Variants in LARP4 observed in about 807,000 individuals in gnomAD.
LARP4 encodes la-related protein 4.
Under a neutral mutation model 92.9 loss-of-function variants are expected in LARP4, and 29 were observed. The ratio of observed to expected loss-of-function variants is 0.31; its 90% confidence interval spans 0.23 to 0.43. The LOEUF (loss-of-function observed/expected upper bound fraction) is 0.43. Ranked by LOEUF, LARP4 falls within the 20% of genes least tolerant of loss-of-function variation. The pLI is 1.00. For missense variants in LARP4, 732 were observed against 860.0 expected, an observed-to-expected ratio of 0.85 and a Z score of 1.86; for synonymous variants, 279 against 284.1, an observed-to-expected ratio of 0.98 and a Z score of 0.18.
chr12:50,459,678 T>G (rs1954969951), intron 10 of LARP4, among the ~76,000 whole-genome samples: 1 of 151,644 alleles, frequency 6.6e-6, no homozygotes. Context: ...ACAAAAATTA[T>G]CTAGGTGTGG....
intron 3 of LARP4, among the ~76,000 whole-genome samples, chr12:50,429,626 G>GT (rs906752655): frequency 2.0e-5 from 3 of 151,978 alleles, no homozygotes; most frequent in African/African-American, 7.2e-5. Flanking sequence ...AGCAATTGGT[G>GT]TTTTTTTGTT....
intron 10 of LARP4, among the ~76,000 whole-genome samples, chr12:50,459,495 C>T (rs558336612): frequency 3.3e-5 from 5 of 152,120 alleles, no homozygotes; most frequent in Non-Finnish European, 5.9e-5. Context: ...CTTCCTTCGC[C>T]CCCGTTTTTA....
chr12:50,440,628 G>C (rs776349722), intron 7 of LARP4, 79 bp downstream of exon 7: 70 of 936,006 alleles, frequency 7.5e-5, no homozygotes, highest in Non-Finnish European at 1.1e-4. Flanking sequence ...GAGAAAATGT[G>C]TGTTTACACT....
chr12:50,449,973 T>C (rs1165095984), intron 8 of LARP4, among the ~76,000 whole-genome samples: 2 of 140,230 alleles, frequency 1.4e-5, no homozygotes, highest in Non-Finnish European at 3.1e-5. Context: ...TTTGCTCTGT[T>C]GCCAGACTGG....
chr12:50,464,015 C>CT lies in LARP4; in HGVS notation c.1383+1386dup, dbSNP rs757806413. The stretch of plus-strand genomic sequence containing the variant: ...AGCCAGTCTAGGAAGTTCGTCATCT[C>CT]TATCTTCTTTTGAGCCTTCCAGACT... On this transcript the variant is annotated intron_variant, in intron 12 of 15. Coordinates refer to ENST00000398473, the MANE Select transcript of LARP4 (RefSeq NM_052879.5). Among the ~76,000 whole-genome samples the CT allele has an allele frequency of 1.1e-4, 16 of 152,300 alleles. No individual in the cohort carries two copies. In the South Asian group the frequency reaches 1.2e-3, roughly 12 times the overall value.
Position 50,446,340 on chromosome 12 carries a change from TCC to T in LARP4, c.804+4699_804+4700del, listed in dbSNP as rs1348966762. ...TTTCTTGACTAGTGGTCTCTCTCTC[TCC>T]CTCTCTCTCTCTCTCTCTCTCTCTC... On this transcript the variant is annotated intron_variant, in intron 8 of 15. Transcript: ENST00000398473. 3.0e-3 allele frequency among the ~76,000 whole-genome samples: 41 copies of T among 13,734 alleles called. 11 individuals are homozygous for T. The East Asian group carries it at 0.037, about 13-fold the overall frequency. 9.0% of individuals were successfully genotyped at this position (13,734 alleles called of 152,430 possible).
Position 50,454,443 on chromosome 12 carries a change from G to A in LARP4, c.1121+26G>A, listed in dbSNP as rs190921692. 2.3e-4 allele frequency: 360 copies of A among 1,532,454 alleles called. 4 individuals are homozygous for A. The East Asian group carries it at 8.0e-3, about 34-fold the overall frequency. 94.9% of individuals were successfully genotyped at this position (1,532,454 alleles called of 1,614,324 possible). ...GTAAGATAAAAACCATAGCTGTAAT[G>A]TATTTTAAACAATTCCTAATGGATC... On this transcript the variant is annotated intron_variant, in intron 10 of 15. Coordinates refer to ENST00000398473, the MANE Select transcript of LARP4 (RefSeq NM_052879.5).
chr12:50,471,897 C>T (rs139918918), intron 13 of LARP4, among the ~76,000 whole-genome samples: 23 of 152,310 alleles, frequency 1.5e-4, no homozygotes, highest in African/African-American at 5.3e-4. Context: ...TTGTCAGTTA[C>T]ACGTAGTAGA....
At chr12:50,462,311 C>G (rs976271714) in intron 11 of LARP4, among the ~76,000 whole-genome samples, 13 of 152,068 alleles carry the variant, frequency 8.5e-5, no homozygotes, top group Non-Finnish European at 1.8e-4. Context: ...GAAACCCTGT[C>G]TGTACTACAA....
At position 50,476,085 on chromosome 12, in the gene LARP4, T is replaced by C. The variant is rs1957512517; in HGVS notation, c.*221T>C. The C allele has an allele frequency of 1.2e-5, 3 of 246,262 alleles. No individual in the cohort carries two copies. Among genetic ancestry groups the C allele is most frequent in the Non-Finnish European group, 2.4e-5 (3 of 126,670 alleles). The allele number at this position is 246,262 out of a possible 1,614,324, so 15.3% of individuals were successfully genotyped here. A position where few individuals can be genotyped will look rare whatever the true frequency, so the allele number is the denominator to read the frequency against. Reference sequence around the variant, plus strand: ...ATTCCAATCAATATAAATATATATATATATATACACACACATATATAAAAA... The same window carrying C: ...ATTCCAATCAATATAAATATATATACATATATACACACACATATATAAAAA... On this transcript the variant is annotated 3_prime_UTR_variant, in exon 16 of 16. Transcript: ENST00000398473.
rs1436438270 is a variant in LARP4 at position 50,474,036 on chromosome 12, T to G, written c.1705T>G (p.Ser569Ala). 3.7e-6 allele frequency: 6 copies of G among 1,612,212 alleles called. No homozygotes were observed. Among genetic ancestry groups the G allele is most frequent in the Non-Finnish European group, 5.1e-6 (6 of 1,179,936 alleles). Residue 569 changes from serine to alanine, a missense_variant, in exon 15 of 16, where the codon TCT (serine) becomes GCT (alanine). Coordinates refer to ENST00000398473, the MANE Select transcript of LARP4 (RefSeq NM_052879.5). ...AGAAAAGGATCTAATAGAAGATTCC[T>G]CTGTTCAGAAGGATGGTCTCAATCA... Reference protein sequence around the residue: ...QQEKDLIEDSSVQKDGLNQTT... With the variant: ...QQEKDLIEDSAVQKDGLNQTT...
At chr12:50,404,657 A>G (rs1264235065) in intron 1 of LARP4, among the ~76,000 whole-genome samples, 2 of 146,798 alleles carry the variant, frequency 1.4e-5, no homozygotes, top group Admixed American at 6.8e-5. Context: ...GCTCACTGCA[A>G]CCTCCGCCTC....
chr12:50,451,123 T>C (rs1953110913), intron 8 of LARP4, among the ~76,000 whole-genome samples: 1 of 152,212 alleles, frequency 6.6e-6, no homozygotes, highest in Non-Finnish European at 1.5e-5. Flanking sequence ...AATTTTGAAT[T>C]ACATAATACA....
At chr12:50,419,657 A>G in intron 1 of LARP4, among the ~76,000 whole-genome samples, 1 of 152,172 alleles carries the variant, frequency 6.6e-6, no homozygotes. Flanking sequence ...CTATAATCCC[A>G]GCACTTTCGG....
rs1294787632 is a variant in LARP4, at chr12:50,477,487, T to TA, written c.*1625dup. 6.6e-6 allele frequency: 1 copy of TA among 152,536 alleles called. No individual in the cohort carries two copies. Among genetic ancestry groups the TA allele is most frequent in the Non-Finnish European group, 1.5e-5 (1 of 67,984 alleles). 9.4% of individuals were successfully genotyped at this position (152,536 alleles called of 1,614,324 possible). A position where few individuals can be genotyped will look rare whatever the true frequency, so the allele number is the denominator to read the frequency against. On this transcript the variant is annotated 3_prime_UTR_variant, in exon 16 of 16. Transcript: ENST00000398473. ...TTGTGACATAGAGTAAACATCTTAGTAATATATTAAAGTGAATGTAAATGG... is the reference window on the plus strand; with the variant it reads ...TTGTGACATAGAGTAAACATCTTAGTAAATATATTAAAGTGAATGTAAATGG...
chr12:50,470,656 A>C (rs1009918047), intron 13 of LARP4, among the ~76,000 whole-genome samples: 4 of 151,972 alleles, frequency 2.6e-5, no homozygotes, highest in Non-Finnish European at 4.4e-5. Context: ...GTGGTCTCGA[A>C]CTCCTGACCT....
In LARP4 at chr12:50,476,075, AAT is replaced by A. The variant is rs149999313; in HGVS notation, c.*227_*228del. 0.02 allele frequency: 5,652 copies of A among 282,290 alleles called. No individual in the cohort carries two copies. Among genetic ancestry groups the A allele is most frequent in the East Asian group, 0.028 (426 of 15,432 alleles). 17.5% of individuals were successfully genotyped at this position (282,290 alleles called of 1,614,324 possible). ...ATGCTGGAGGATTCCAATCAATATA[AAT>A]ATATATATATATATACACACACATA... is the stretch of plus-strand genomic sequence containing the variant. On this transcript the variant is annotated 3_prime_UTR_variant, in exon 16 of 16. Transcript: ENST00000398473.
At chr12:50,464,049 C>A (rs564759362) in intron 12 of LARP4, among the ~76,000 whole-genome samples, 12 of 152,330 alleles carry the variant, frequency 7.9e-5, no homozygotes, top group Non-Finnish European at 1.2e-4. Flanking sequence ...CTCTTCCACC[C>A]TCTACCTGTT....
At chr12:50,467,262 GT>G (rs1392779071) in intron 13 of LARP4, 142 bp downstream of exon 13, 2 of 552,944 alleles carry the variant, frequency 3.6e-6, no homozygotes, top group Non-Finnish European at 5.8e-6. Flanking sequence ...TACTTAGAGT[GT>G]TTTTTTAAAG....
Sources: allele counts gnomAD v4.1 joint callset (sites outside exome capture counted in the v4.1 genomes callset), GRCh38; gene constraint gnomAD v4.1.1; transcripts MANE v1.5; gene names NCBI Gene and HGNC (gene_info 2026-07-23, HGNC 2026-07-21).